Variants in AKT3 observed in about 807,000 individuals in gnomAD.
AKT3 encodes RAC-gamma serine/threonine-protein kinase.
A neutral mutation model predicts 65.3 loss-of-function variants in AKT3; 15 were observed. The observed-to-expected ratio is 0.23, with a 90% CI of 0.15 to 0.35. The LOEUF is 0.35. AKT3 is among the 10% of genes least tolerant of loss of function. AKT3 has a pLI of 1.00. For missense variants in AKT3, 243 were observed against 576.5 expected, an observed-to-expected ratio of 0.42 and a Z score of 5.92; for synonymous variants, 206 against 183.8, an observed-to-expected ratio of 1.12 and a Z score of -0.98.
chr1:243,729,119 T>C (rs192168557), intron 2 of AKT3, among the ~76,000 whole-genome samples: 51 of 152,208 alleles, frequency 3.4e-4, no homozygotes, highest in Middle Eastern at 3.4e-3. Context: ...CCAAATAAAC[T>C]AGAGTTTAGG....
intron 3 of AKT3, among the ~76,000 whole-genome samples, chr1:243,684,428 A>G (rs1684142766): frequency 1.3e-5 from 2 of 151,942 alleles, no homozygotes; most frequent in African/African-American, 4.8e-5. Context: ...TGTTCCTGTG[A>G]GAGTTTGCTC....
chr1:243,497,710 C>T (rs957574322), downstream of AKT3, among the ~76,000 whole-genome samples: 2 of 152,216 alleles, frequency 1.3e-5, no homozygotes, highest in African/African-American at 2.4e-5. Flanking sequence ...TACGCCTATT[C>T]TGTATTGTGT....
At chr1:243,654,484 T>C (rs887170980) in intron 4 of AKT3, among the ~76,000 whole-genome samples, 2 of 152,146 alleles carry the variant, frequency 1.3e-5, no homozygotes, top group African/African-American at 4.8e-5. Context: ...TATCAAATTA[T>C]TGGAGGGTGA....
At chr1:243,640,269 G>A (rs1340030638) in intron 5 of AKT3, among the ~76,000 whole-genome samples, 1 of 152,162 alleles carries the variant, frequency 6.6e-6, no homozygotes, top group Non-Finnish European at 1.5e-5. Context: ...TGCATTAATA[G>A]AGCAGAAAAA....
At chr1:243,837,373 G>C (rs1572433620) in intron 2 of AKT3, among the ~76,000 whole-genome samples, 1 of 152,168 alleles carries the variant, frequency 6.6e-6, no homozygotes, top group East Asian at 1.9e-4. Flanking sequence ...TGGCTTCACT[G>C]ATACATTTTG....
chr1:243,605,450 AAGTAACAAGG>A lies in AKT3; in HGVS notation c.696+8211_696+8220del, dbSNP rs533707317. On this transcript the variant is annotated intron_variant, in intron 8 of 13. Coordinates refer to ENST00000673466, the MANE Select transcript of AKT3 (RefSeq NM_005465.7). ...TGAAGCTCTATGCATGGAAAGTAGG[AAGTAACAAGG>A]AGTAAAGAATAGCAAATTTATATCT... Among the ~76,000 whole-genome samples, 33 of 152,332 alleles carry A rather than the reference AAGTAACAAGG, an allele frequency of 2.2e-4. No individual in the cohort carries two copies. The East Asian group carries it at 6.4e-3, about 29-fold the overall frequency.
intron 2 of AKT3, among the ~76,000 whole-genome samples, chr1:243,805,578 C>A (rs1345651439): frequency 6.6e-6 from 1 of 152,168 alleles, no homozygotes; most frequent in Non-Finnish European, 1.5e-5. Flanking sequence ...CCCTCAAATC[C>A]CTGAAACTGA....
chr1:243,652,047 CTT>C (rs74162302), intron 4 of AKT3, among the ~76,000 whole-genome samples: 1,697 of 135,878 alleles, frequency 0.012, 31 homozygotes, highest in African/African-American at 0.04. Context: ...GAAAAGAATT[CTT>C]TTTTTTTTTT....
chr1:243,826,999 A>G (rs1444358821), intron 2 of AKT3, among the ~76,000 whole-genome samples: 1 of 152,044 alleles, frequency 6.6e-6, no homozygotes. Flanking sequence ...TTAATAAAAT[A>G]CATGCATTTC....
chr1:243,692,286 A>G (rs1280579606), intron 3 of AKT3, among the ~76,000 whole-genome samples: 3 of 152,172 alleles, frequency 2.0e-5, no homozygotes, highest in Non-Finnish European at 4.4e-5. Flanking sequence ...CCCATACTAT[A>G]CCCAGAGGGA....
At chr1:243,751,365 T>C (rs141461443) in intron 2 of AKT3, among the ~76,000 whole-genome samples, 75 of 152,372 alleles carry the variant, frequency 4.9e-4, no homozygotes, top group African/African-American at 1.8e-3. Context: ...TGCCAAACGC[T>C]TGGATTTAGA....
At chr1:243,534,492 A>G (rs1424918372) in intron 12 of AKT3, among the ~76,000 whole-genome samples, 1 of 152,220 alleles carries the variant, frequency 6.6e-6, no homozygotes, top group Non-Finnish European at 1.5e-5. Flanking sequence ...CAGCACCATC[A>G]ATCAACTGGA....
At chr1:243,790,357 T>C (rs1365913454) in intron 2 of AKT3, among the ~76,000 whole-genome samples, 1 of 152,250 alleles carries the variant, frequency 6.6e-6, no homozygotes, top group Non-Finnish European at 1.5e-5. Flanking sequence ...TGCATTTTTA[T>C]GTTACGGAGA....
chr1:243,831,173 G>C (rs528745672), intron 2 of AKT3, among the ~76,000 whole-genome samples: 31 of 152,234 alleles, frequency 2.0e-4, no homozygotes, highest in Non-Finnish European at 2.8e-4. Flanking sequence ...CTGATTAAGA[G>C]ACTACCGTGC....
At chr1:243,707,820 C>T (rs1316110979) in intron 2 of AKT3, among the ~76,000 whole-genome samples, 4 of 152,028 alleles carry the variant, frequency 2.6e-5, no homozygotes, top group South Asian at 2.1e-4. Context: ...ACTTTAAAAA[C>T]GTATGCTTTT....
intron 2 of AKT3, among the ~76,000 whole-genome samples, chr1:243,759,933 C>A (rs984261161): frequency 7.2e-5 from 11 of 152,120 alleles, no homozygotes; most frequent in African/African-American, 2.7e-4. Context: ...GCTGAAATCA[C>A]AAATGGCTGA....
At chr1:243,534,081 AAGAC>A (rs1458076877) in intron 12 of AKT3, among the ~76,000 whole-genome samples, 1 of 152,206 alleles carries the variant, frequency 6.6e-6, no homozygotes, top group African/African-American at 2.4e-5. Flanking sequence ...CATCAGCTAA[AAGAC>A]AGAGACAGTC....
At chr1:243,596,791 G>T (rs1196921945) in intron 8 of AKT3, among the ~76,000 whole-genome samples, 1 of 152,146 alleles carries the variant, frequency 6.6e-6, no homozygotes, top group Non-Finnish European at 1.5e-5. Context: ...GTATTAATCC[G>T]CATGTACGTC....
intron 8 of AKT3, among the ~76,000 whole-genome samples, chr1:243,591,062 G>A (rs1259971946): frequency 2.0e-5 from 3 of 152,146 alleles, no homozygotes; most frequent in African/African-American, 7.2e-5. Flanking sequence ...AGAGACTGGG[G>A]AGACCAAGGT....
Sources: gnomAD v4.1 joint callset for allele counts (sites outside exome capture counted in the v4.1 genomes callset) on GRCh38, gnomAD v4.1.1 for gene constraint, MANE v1.5 for transcripts, NCBI Gene and HGNC (gene_info 2026-07-23, HGNC 2026-07-21) for gene names.